Variants in MARK3 observed in about 807,000 individuals in gnomAD.
The protein encoded by MARK3 is MAP/microtubule affinity-regulating kinase 3.
A neutral mutation model predicts 90.1 loss-of-function variants in MARK3; 46 were observed. The observed-to-expected ratio is 0.51, with a 90% CI of 0.40 to 0.65. MARK3 has a LOEUF of 0.65. Among genes scored for constraint, MARK3 ranks in the 30% least tolerant of loss-of-function variants. The pLI is 0.00. For synonymous variants in MARK3, 321 were observed against 332.6 expected (o/e 0.97, Z 0.38); for missense variants, 818 against 947.2 (o/e 0.86, Z 1.79).
At chr14:103,423,932 G>C (rs1029405112) in intron 2 of MARK3, among the ~76,000 whole-genome samples, 5 of 152,218 alleles carry the variant, frequency 3.3e-5, no homozygotes, top group African/African-American at 1.2e-4. Context: ...CAGTCCGGGC[G>C]CGATGGCTCA....
At chr14:103,459,356 T>C (rs994582138) in intron 6 of MARK3, among the ~76,000 whole-genome samples, 1 of 152,242 alleles carries the variant, frequency 6.6e-6, no homozygotes, top group Non-Finnish European at 1.5e-5. Context: ...TGTATGTATG[T>C]GTTTTTTCAA....
chr14:103,388,473 A>G (rs978508371), intron 1 of MARK3, among the ~76,000 whole-genome samples: 1 of 152,222 alleles, frequency 6.6e-6, no homozygotes, highest in Non-Finnish European at 1.5e-5. Context: ...TGAGTGGTGA[A>G]TGTACAAGAA....
chr14:103,415,506 A>C (rs1319757505), intron 2 of MARK3, among the ~76,000 whole-genome samples: 1 of 152,210 alleles, frequency 6.6e-6, no homozygotes, highest in Non-Finnish European at 1.5e-5. Context: ...TCCCATATTT[A>C]CTATGAATCT....
At chr14:103,417,483 TA>T (rs369339308) in intron 2 of MARK3, 5 of 152,298 alleles carry the variant, frequency 3.3e-5, no homozygotes, top group East Asian at 1.9e-4. Context: ...AAGTATGTAA[TA>T]TTTTTTTTCT....
intron 5 of MARK3, among the ~76,000 whole-genome samples, chr14:103,455,102 A>T (rs1313344531): frequency 2.0e-5 from 3 of 152,188 alleles, no homozygotes; most frequent in African/African-American, 7.2e-5. Flanking sequence ...GGTTCCACAA[A>T]TCTCTTAAGA....
At chr14:103,458,211 A>C (rs1178841098) in intron 6 of MARK3, among the ~76,000 whole-genome samples, 1 of 152,138 alleles carries the variant, frequency 6.6e-6, no homozygotes, top group Admixed American at 6.5e-5. Flanking sequence ...TAATCCCAGC[A>C]CTTTGGGAGG....
At chr14:103,467,908 T>A (rs542112474) in intron 11 of MARK3, 125 bp from the exon 12 acceptor site, 59 of 904,638 alleles carry the variant, frequency 6.5e-5, no homozygotes, top group Non-Finnish European at 9.2e-5. Context: ...TTTTTGTACG[T>A]TGTGATTCCT....
intron 13 of MARK3, among the ~76,000 whole-genome samples, chr14:103,475,942 C>CAA (rs58529423): frequency 4.5e-4 from 57 of 126,014 alleles, no homozygotes; most frequent in African/African-American, 1.4e-3. Flanking sequence ...GACTCCTTCT[C>CAA]AAAAAAAAAA....
In MARK3 at chr14:103,451,988, G is replaced by C. The variant is rs749686690; in HGVS notation, c.412+5G>C. ...TCATGGAATATGCAAGTGGAGGTAA[G>C]AACATTTTTATATATATTGGGTTTT... On this transcript the variant is annotated splice_donor_5th_base_variant and intron_variant, in intron 5 of 17. Coordinates refer to ENST00000429436, the MANE Select transcript of MARK3 (RefSeq NM_001128918.3). 2.1e-5 allele frequency: 34 copies of C among 1,596,910 alleles called. 1 individual carries two copies. The South Asian group carries it at 3.6e-4, about 17-fold the overall frequency.
At chr14:103,408,711 T>C (rs916570998) in intron 2 of MARK3, among the ~76,000 whole-genome samples, 1 of 152,162 alleles carries the variant, frequency 6.6e-6, no homozygotes, top group African/African-American at 2.4e-5. Flanking sequence ...ATTTCCTGTG[T>C]GTGCGGAGAC....
chr14:103,396,285 A>G (rs1459925946), intron 1 of MARK3, among the ~76,000 whole-genome samples: 1 of 152,182 alleles, frequency 6.6e-6, no homozygotes, highest in Non-Finnish European at 1.5e-5. Context: ...GTTCTATAAT[A>G]CAAATCAGGA....
At chr14:103,387,562 G>T (rs2089909915) in intron 1 of MARK3, among the ~76,000 whole-genome samples, 2 of 151,980 alleles carry the variant, frequency 1.3e-5, no homozygotes, top group Non-Finnish European at 2.9e-5. Flanking sequence ...GTGCGATCTT[G>T]GCTCACTGCA....
chr14:103,386,016 T>TA lies in MARK3; in HGVS notation c.-11dup, dbSNP rs773732204. ...TTTTGACCCTCGCATTGTGCAGAAT[T>TA]AAAGTGCAGTAAAATGTCCACTAGG... On this transcript the variant is annotated 5_prime_UTR_variant, in exon 1 of 18. Coordinates refer to ENST00000429436, the MANE Select transcript of MARK3 (RefSeq NM_001128918.3). The TA allele has an allele frequency of 5.0e-6, 8 of 1,611,300 alleles. 1 individual carries two copies. In the South Asian group the frequency reaches 7.7e-5, roughly 15 times the overall value.
At chr14:103,459,788 A>G (rs962298693) in intron 6 of MARK3, among the ~76,000 whole-genome samples, 8 of 151,942 alleles carry the variant, frequency 5.3e-5, no homozygotes, top group South Asian at 2.1e-4. Flanking sequence ...TGCTGGGATT[A>G]CAGATGTGAG....
At chr14:103,417,026 G>GC (rs961631670) in intron 2 of MARK3, among the ~76,000 whole-genome samples, 28 of 152,178 alleles carry the variant, frequency 1.8e-4, no homozygotes, top group Admixed American at 4.6e-4. Context: ...GAATTGCCAG[G>GC]CAGCCTTAAG....
intron 14 of MARK3, 116 bp from the exon 15 acceptor site, chr14:103,491,660 AC>A (rs2094018413): frequency 9.2e-7 from 1 of 1,082,266 alleles, no homozygotes; most frequent in Non-Finnish European, 1.3e-6. Context: ...CCTATAAAAT[AC>A]CCCTTGGATC....
chr14:103,457,226 T>C lies in MARK3; in HGVS notation c.483+14T>C. On this transcript the variant is annotated intron_variant, in intron 6 of 17. Coordinates refer to ENST00000429436, the MANE Select transcript of MARK3 (RefSeq NM_001128918.3). Reference sequence around the variant, plus strand: ...AAATTTAGACAGGTATGAATTAATGTGTCTTTACTATGTCAATTTGATAAT... The same window carrying C: ...AAATTTAGACAGGTATGAATTAATGCGTCTTTACTATGTCAATTTGATAAT... 1 of 1,561,944 alleles carries C rather than the reference T, an allele frequency of 6.4e-7. No individual in the cohort carries two copies. The highest frequency in any genetic ancestry group is 8.8e-7 in the Non-Finnish European group (1 of 1,133,848).
At chr14:103,425,638 T>C (rs1380018340) in intron 2 of MARK3, among the ~76,000 whole-genome samples, 1 of 152,228 alleles carries the variant, frequency 6.6e-6, no homozygotes, top group Non-Finnish European at 1.5e-5. Flanking sequence ...AGTTGAGATA[T>C]GCATAAGACA....
chr14:103,481,726 A>G (rs1443364875), intron 14 of MARK3, among the ~76,000 whole-genome samples: 2 of 141,012 alleles, frequency 1.4e-5, no homozygotes, highest in East Asian at 2.2e-4. Flanking sequence ...TGGGGTAGAT[A>G]GTTTACAGAT....
Sources: gnomAD v4.1 joint callset for allele counts (sites outside exome capture counted in the v4.1 genomes callset) on GRCh38, gnomAD v4.1.1 for gene constraint, MANE v1.5 for transcripts, NCBI Gene and HGNC (gene_info 2026-07-23, HGNC 2026-07-21) for gene names.